SNTG2: variants seen among roughly 807,000 people sequenced by gnomAD.
SNTG2 encodes gamma-2-syntrophin.
In SNTG2, 74 loss-of-function variants were observed where a neutral mutation model predicts 70.9. The observed-to-expected ratio is 1.04, with a 90% CI of 0.86 to 1.27. SNTG2 has a LOEUF of 1.27. Among genes scored for constraint, SNTG2 ranks in the 50% most tolerant of loss-of-function variants. The probability of loss-of-function intolerance (pLI) is 0.00; values close to 1 mark genes in which losing one functional copy is unlikely to be tolerated. For synonymous variants in SNTG2, 278 were observed against 273.8 expected, an observed-to-expected ratio of 1.02 and a Z score of -0.15; for missense variants, 717 against 690.7, an observed-to-expected ratio of 1.04 and a Z score of -0.43.
At chr2:1,060,229 A>G (rs1662722810) in intron 1 of SNTG2, among the ~76,000 whole-genome samples, 1 of 152,256 alleles carries the variant, frequency 6.6e-6, no homozygotes, top group Non-Finnish European at 1.5e-5. Flanking sequence ...AAAAAGTTAC[A>G]AACTGAAAAT....
At chr2:1,166,634 G>C (rs1414479057) in intron 7 of SNTG2, among the ~76,000 whole-genome samples, 1 of 152,162 alleles carries the variant, frequency 6.6e-6, no homozygotes, top group Admixed American at 6.5e-5. Flanking sequence ...GAGAAGGGCG[G>C]GTCCCTGGCG....
chr2:1,114,875 G>T (rs1206496399), intron 4 of SNTG2, among the ~76,000 whole-genome samples: 2 of 150,968 alleles, frequency 1.3e-5, no homozygotes, highest in Non-Finnish European at 3.0e-5. Context: ...GAGAAAAATG[G>T]TGTGTACTAA....
chr2:1,348,339 G>A (rs1210261745), intron 16 of SNTG2, among the ~76,000 whole-genome samples: 5 of 152,110 alleles, frequency 3.3e-5, no homozygotes, highest in Non-Finnish European at 5.9e-5. Context: ...ATAAGTGTTG[G>A]GTGTGCCTCA....
intron 6 of SNTG2, among the ~76,000 whole-genome samples, chr2:1,146,391 G>T (rs893920048): frequency 3.3e-5 from 5 of 151,292 alleles, no homozygotes; most frequent in African/African-American, 4.9e-5. Flanking sequence ...ATTGATGAAA[G>T]AAATCATAGA....
At chr2:977,205 C>T (rs184477880) in intron 1 of SNTG2, among the ~76,000 whole-genome samples, 5 of 152,326 alleles carry the variant, frequency 3.3e-5, no homozygotes, top group East Asian at 3.9e-4. Flanking sequence ...CCAGAGACAA[C>T]GGATTGTCCT....
At chr2:1,291,154 T>C (rs936550617) in intron 14 of SNTG2, among the ~76,000 whole-genome samples, 6 of 152,228 alleles carry the variant, frequency 3.9e-5, no homozygotes, top group African/African-American at 1.4e-4. Flanking sequence ...TATATCTTCT[T>C]GGAGTAATGT....
chr2:958,568 G>A (rs1355520435), intron 1 of SNTG2, among the ~76,000 whole-genome samples: 2 of 152,084 alleles, frequency 1.3e-5, no homozygotes, highest in Non-Finnish European at 2.9e-5. Flanking sequence ...CACTGTAATT[G>A]CTTTAAAAAG....
chr2:1,084,325 C>G (rs544288160), intron 2 of SNTG2, among the ~76,000 whole-genome samples: 18 of 152,300 alleles, frequency 1.2e-4, no homozygotes, highest in African/African-American at 4.1e-4. Flanking sequence ...CAAAGTATGA[C>G]GGGTTTCCCG....
chr2:1,222,021 G>GTCTC lies in SNTG2; in HGVS notation c.719+12793_719+12796dup, dbSNP rs1675095824. 1.2e-4 allele frequency among the ~76,000 whole-genome samples: 5 copies of GTCTC among 41,818 alleles called. 1 individual carries two copies. The highest frequency in any genetic ancestry group is 6.1e-4 in the Admixed American group (2 of 3,298). 27.4% of individuals were successfully genotyped at this position (41,818 alleles called of 152,430 possible). ...TCTCTGTCTCTCTCTGTCTCTCTCT[G>GTCTC]TCTCTGCCTATCTCTGTCTCTCTCT... On this transcript the variant is annotated intron_variant, in intron 9 of 16. Transcript: ENST00000308624.
chr2:1,177,650 TACCC>T (rs1671572770), intron 8 of SNTG2, among the ~76,000 whole-genome samples: 1 of 152,066 alleles, frequency 6.6e-6, no homozygotes, highest in South Asian at 2.1e-4. Context: ...AATTCTATAA[TACCC>T]AGCAAACGTG....
In SNTG2 at chr2:1,259,419, A is replaced by C. The variant is rs1558607110; in HGVS notation, c.1055A>C (p.Glu352Ala). Residue 352 changes from glutamate to alanine, a missense_variant, in exon 13 of 17, where the codon GAG becomes GCG. Coordinates refer to ENST00000308624, the MANE Select transcript of SNTG2 (RefSeq NM_018968.4). Reference protein sequence around the residue: ...VRAERTYHLCEVLFKVHKFWL... With the variant: ...VRAERTYHLCAVLFKVHKFWL... ...GCAGAAAGGACCTATCACCTCTGTG[A>C]GGTGCTATTTAAAGTTCACAAGGTA... 6.2e-7 allele frequency: 1 copy of C among 1,614,004 alleles called. No homozygotes were observed. The highest frequency in any genetic ancestry group is 8.5e-7 in the Non-Finnish European group (1 of 1,179,860).
rs553364821 is a variant in SNTG2 at position 1,109,708 on chromosome 2, C to G, written c.325+11298C>G. Among the ~76,000 whole-genome samples the G allele has an allele frequency of 1.6e-4, 25 of 152,188 alleles. No individual in the cohort carries two copies. In the South Asian group the frequency reaches 5.0e-3, roughly 30 times the overall value. ...ATTCATTCACAGCCACAGTTTAATT[C>G]CACTTAAATAAATTAATGGTAATAA... is the stretch of plus-strand genomic sequence containing the variant. On this transcript the variant is annotated intron_variant, in intron 4 of 16. Coordinates refer to ENST00000308624, the MANE Select transcript of SNTG2 (RefSeq NM_018968.4).
At chr2:976,609 GC>G (rs1338603702) in intron 1 of SNTG2, among the ~76,000 whole-genome samples, 1 of 152,154 alleles carries the variant, frequency 6.6e-6, no homozygotes, top group African/African-American at 2.4e-5. Context: ...TTCAAGGTTT[GC>G]TTAAAGCTAA....
chr2:1,009,079 C>A (rs1448524883), intron 1 of SNTG2, among the ~76,000 whole-genome samples: 2 of 152,226 alleles, frequency 1.3e-5, no homozygotes, highest in African/African-American at 2.4e-5. Flanking sequence ...GTATCAAAAT[C>A]CCTAAAGCTG....
At chr2:1,275,621 G>A (rs529493633) in intron 14 of SNTG2, among the ~76,000 whole-genome samples, 6 of 152,152 alleles carry the variant, frequency 3.9e-5, no homozygotes, top group Admixed American at 1.3e-4. Flanking sequence ...CTCTCCCTGG[G>A]CCTCCTCATT....
chr2:1,237,075 T>A (rs35562104), intron 9 of SNTG2, among the ~76,000 whole-genome samples: 14,625 of 151,938 alleles, frequency 0.096, 786 homozygotes, highest in South Asian at 0.15. Flanking sequence ...TCCGAGTAGC[T>A]GGAGCTACAG....
rs188163871 is a variant in SNTG2, at chr2:1,121,853, G to T, written c.326-15769G>T. On this transcript the variant is annotated intron_variant, in intron 4 of 16. Coordinates refer to ENST00000308624, the MANE Select transcript of SNTG2 (RefSeq NM_018968.4). ...GGATTATAATTGAAGATGAGATTTG[G>T]GTGGGAACACAAAGCCTAACCATAT... Among the ~76,000 whole-genome samples, 20 of 152,122 alleles carry T rather than the reference G, an allele frequency of 1.3e-4. No homozygotes were observed. In the East Asian group the frequency reaches 3.5e-3, roughly 27 times the overall value.
intron 8 of SNTG2, among the ~76,000 whole-genome samples, chr2:1,188,669 T>C (rs1007092831): frequency 6.6e-6 from 1 of 152,088 alleles, no homozygotes; most frequent in African/African-American, 2.4e-5. Context: ...CTTAAATAGC[T>C]ACAAAATACA....
chr2:1,034,107 A>AT (rs59277775), intron 1 of SNTG2, among the ~76,000 whole-genome samples: 43,603 of 151,638 alleles, frequency 0.29, 7,372 homozygotes, highest in Middle Eastern at 0.42. Context: ...ATCCAGTAGC[A>AT]TTTTTTTTCT....
Sources: allele counts gnomAD v4.1 joint callset (sites outside exome capture counted in the v4.1 genomes callset), GRCh38; gene constraint gnomAD v4.1.1; transcripts MANE v1.5; gene names NCBI Gene and HGNC (gene_info 2026-07-23, HGNC 2026-07-21).